Variants in SHISA9 observed in about 807,000 individuals in gnomAD.
The protein encoded by SHISA9 is shisa family member 9.
A neutral mutation model predicts 38.0 loss-of-function variants in SHISA9; 13 were observed. That is an observed-to-expected ratio of 0.34 (90% confidence interval 0.22 to 0.54). SHISA9 has a LOEUF of 0.54. SHISA9 is among the 20% of genes least tolerant of loss of function. SHISA9 has a pLI of 0.91. For synonymous variants in SHISA9, 275 were observed against 242.0 expected, an observed-to-expected ratio of 1.14 and a Z score of -1.27; for missense variants, 538 against 575.8, an observed-to-expected ratio of 0.93 and a Z score of 0.67.
At chr16:13,209,243 G>A (rs572186135) in intron 3 of SHISA9, among the ~76,000 whole-genome samples, 8 of 152,224 alleles carry the variant, frequency 5.3e-5, no homozygotes, top group East Asian at 1.9e-4. Context: ...CCCTGATCTC[G>A]GAGATACGCT....
At chr16:13,256,852 G>A in the SHISA9 span, among the ~76,000 whole-genome samples, 3 of 152,208 alleles carry the variant, frequency 2.0e-5, no homozygotes, top group Admixed American at 6.5e-5. Context: ...GACTGAAAAC[G>A]TTCCTTTGGT....
the SHISA9 span, among the ~76,000 whole-genome samples, chr16:13,298,608 C>G: frequency 3.3e-5 from 5 of 152,130 alleles, no homozygotes; most frequent in Non-Finnish European, 7.3e-5. Context: ...AGGATTTGAA[C>G]CCACTTTTGT....
intron 2 of SHISA9, among the ~76,000 whole-genome samples, chr16:12,937,864 T>G (rs951754423): frequency 9.0e-5 from 12 of 133,270 alleles, no homozygotes; most frequent in Admixed American, 8.1e-4. Flanking sequence ...TACTGGAGAC[T>G]TTTTTTTGCT....
intron 2 of SHISA9, among the ~76,000 whole-genome samples, chr16:13,024,925 T>C (rs1458432549): frequency 6.6e-6 from 1 of 152,184 alleles, no homozygotes; most frequent in Non-Finnish European, 1.5e-5. Context: ...ATCTGTCAAA[T>C]GCAAGTGTGA....
chr16:13,268,295 A>G, the SHISA9 span, among the ~76,000 whole-genome samples: 2 of 152,164 alleles, frequency 1.3e-5, no homozygotes, highest in African/African-American at 2.4e-5. Flanking sequence ...ATATCACTGG[A>G]GGTCAGGAGT....
At chr16:12,988,126 C>G (rs2072337302) in intron 2 of SHISA9, among the ~76,000 whole-genome samples, 1 of 152,224 alleles carries the variant, frequency 6.6e-6, no homozygotes, top group Non-Finnish European at 1.5e-5. Context: ...CACTGAGACT[C>G]CTGTGTCTCT....
At chr16:12,917,443 C>T (rs536785975) in intron 2 of SHISA9, among the ~76,000 whole-genome samples, 1 of 151,958 alleles carries the variant, frequency 6.6e-6, no homozygotes, top group Non-Finnish European at 1.5e-5. Context: ...TTCCATTGTT[C>T]TGCCAGGGGA....
chr16:13,100,470 G>A (rs1160816436), intron 2 of SHISA9, among the ~76,000 whole-genome samples: 1 of 152,150 alleles, frequency 6.6e-6, no homozygotes, highest in Non-Finnish European at 1.5e-5. Flanking sequence ...GGTGTAGCAG[G>A]TTGCACAGGA....
At chr16:13,134,017 A>G in intron 2 of SHISA9, among the ~76,000 whole-genome samples, 1 of 152,212 alleles carries the variant, frequency 6.6e-6, no homozygotes, top group South Asian at 2.1e-4. Context: ...AGCAGACTCT[A>G]CAATCATCTT....
At chr16:13,315,360 A>G in the SHISA9 span, among the ~76,000 whole-genome samples, 86 of 152,356 alleles carry the variant, frequency 5.6e-4, no homozygotes, top group Non-Finnish European at 6.5e-4. Flanking sequence ...TGTGTGGCAC[A>G]TGACAGGGTC....
At chr16:13,500,670 G>A in the SHISA9 span, among the ~76,000 whole-genome samples, 1 of 151,884 alleles carries the variant, frequency 6.6e-6, no homozygotes, top group South Asian at 2.1e-4. Context: ...AGAGACCAGA[G>A]ACAAAAAGAC....
At chr16:13,115,431 A>G (rs1290183078) in intron 2 of SHISA9, among the ~76,000 whole-genome samples, 4 of 152,238 alleles carry the variant, frequency 2.6e-5, no homozygotes, top group African/African-American at 9.6e-5. Context: ...GGATGGGCCG[A>G]ATTAATTGCA....
At chr16:12,993,144 G>T (rs1487469107) in intron 2 of SHISA9, among the ~76,000 whole-genome samples, 2 of 152,160 alleles carry the variant, frequency 1.3e-5, no homozygotes, top group Non-Finnish European at 2.9e-5. Flanking sequence ...GAGGAGAATG[G>T]GTAGCATCGG....
At chr16:13,556,840 GTGTAGCATTTACAT>G in the SHISA9 span, among the ~76,000 whole-genome samples, 1 of 152,068 alleles carries the variant, frequency 6.6e-6, no homozygotes, top group African/African-American at 2.4e-5. Context: ...AAAAAGACTT[GTGTAGCATTTACAT>G]TGTATTAGGT....
At chr16:13,330,536 A>C in the SHISA9 span, among the ~76,000 whole-genome samples, 1 of 152,208 alleles carries the variant, frequency 6.6e-6, no homozygotes, top group Non-Finnish European at 1.5e-5. Context: ...GCAAATAGGC[A>C]TCTATCATCC....
At chr16:13,415,815 TA>T in the SHISA9 span, among the ~76,000 whole-genome samples, 102,165 of 149,082 alleles carry the variant, frequency 0.69, 35,139 homozygotes, top group East Asian at 0.81. Context: ...CTTCTTTCGT[TA>T]AAAAAAAAAA....
chr16:12,977,540 A>C (rs1274300585), intron 2 of SHISA9, among the ~76,000 whole-genome samples: 3 of 152,216 alleles, frequency 2.0e-5, no homozygotes, highest in Non-Finnish European at 2.9e-5. Context: ...TGCACTATTC[A>C]CAATAGCAAA....
chr16:13,093,332 G>A (rs141317351), intron 2 of SHISA9, among the ~76,000 whole-genome samples: 60 of 152,258 alleles, frequency 3.9e-4, no homozygotes, highest in African/African-American at 1.4e-3. Context: ...TGGTGATCTT[G>A]GTCCAGTTGC....
chr16:13,476,005 ACCT>A, the SHISA9 span, among the ~76,000 whole-genome samples: 1 of 152,014 alleles, frequency 6.6e-6, no homozygotes, highest in African/African-American at 2.4e-5. Flanking sequence ...CCCACTGCTC[ACCT>A]CCTGCTGTGT....
Sources: gnomAD v4.1 joint callset for allele counts (sites outside exome capture counted in the v4.1 genomes callset) on GRCh38, gnomAD v4.1.1 for gene constraint, MANE v1.5 for transcripts, NCBI Gene and HGNC (gene_info 2026-07-23, HGNC 2026-07-21) for gene names.